Variants in COPG2 observed in about 807,000 individuals in gnomAD.
COPG2 encodes coatomer subunit gamma-2.
A neutral mutation model predicts 46.3 loss-of-function variants in COPG2; 37 were observed. The ratio of observed to expected loss-of-function variants is 0.80; its 90% confidence interval spans 0.61 to 1.05. The LOEUF is 1.05. Ranked by LOEUF, COPG2 falls within the 50% of genes least tolerant of loss-of-function variation. The pLI is 0.00. For missense variants in COPG2, 427 were observed against 387.8 expected (o/e 1.10, Z -0.85); for synonymous variants, 159 against 129.7 (o/e 1.23, Z -1.53).
At position 130,611,070 on chromosome 7, in the gene COPG2, T is replaced by C. The variant is rs1554452007; in HGVS notation, c.620A>G (p.Asp207Gly). ...LGVLYHLRKN[D>G]RLAVSKMLNK... is the part of the protein sequence containing the mutation. The stretch of plus-strand genomic sequence containing the variant: ...CAACATCTTGGAAACAGCAAGTCGA[T>C]CATTCTTTCTAAGGTGATACAGGAC... The change falls in exon 9 of 24, where the codon GAT becomes GGT. Residue 207 changes from aspartate to glycine, a missense_variant. Asp to Gly is a moderately conservative substitution (Grantham distance 94). Transcript: ENST00000425248. 6.2e-7 allele frequency: 1 copy of C among 1,613,838 alleles called. No individual in the cohort carries two copies. Among genetic ancestry groups the C allele is most frequent in the South Asian group, 1.1e-5 (1 of 91,082 alleles).
At chr7:130,525,242 G>T (rs1799762617) in intron 20 of COPG2, among the ~76,000 whole-genome samples, 1 of 152,174 alleles carries the variant, frequency 6.6e-6, no homozygotes, top group Non-Finnish European at 1.5e-5. Context: ...AAGGGGCCAA[G>T]GTGGAAAAGT....
intron 20 of COPG2, among the ~76,000 whole-genome samples, chr7:130,526,773 A>C (rs1036447905): frequency 0.32 from 48,288 of 149,026 alleles, 8,622 homozygotes; most frequent in African/African-American, 0.46. Context: ...CTTTGTTGCA[A>C]AGGTGTGAAT....
In COPG2 at chr7:130,652,868, C is replaced by T; in HGVS notation, c.323+1G>A. 2 of 1,587,228 alleles carry T rather than the reference C, an allele frequency of 1.3e-6. No individual in the cohort carries two copies. Among genetic ancestry groups the T allele is most frequent in the Non-Finnish European group, 1.7e-6 (2 of 1,160,292 alleles). ...ATCCTAGATTTTGACCATTTACATA[C>T]CTGCTTGTGACAATTATCACATCCT... On this transcript the variant is annotated splice_donor_variant, in intron 5 of 23. Coordinates refer to ENST00000425248, the MANE Select transcript of COPG2 (RefSeq NM_012133.6). LOFTEE classifies it high-confidence loss of function.
chr7:130,548,366 T>C (rs1423843120), intron 19 of COPG2, 37 bp downstream of exon 19: 1 of 398,360 alleles, frequency 2.5e-6, no homozygotes, highest in Admixed American at 4.4e-5. Flanking sequence ...TACCAGTTTA[T>C]ACTAAATCTC....
chr7:130,587,740 C>T (rs968622600), intron 9 of COPG2, among the ~76,000 whole-genome samples: 66 of 152,108 alleles, frequency 4.3e-4, no homozygotes, highest in East Asian at 3.9e-4. Context: ...TGGGCAAGGA[C>T]TTCATGTCTA....
chr7:130,606,212 C>G (rs1327474212), intron 9 of COPG2, among the ~76,000 whole-genome samples: 4 of 126,026 alleles, frequency 3.2e-5, no homozygotes, highest in Non-Finnish European at 6.5e-5. Flanking sequence ...GGCAGCAGAG[C>G]AAGACTTTAA....
chr7:130,511,746 T>C (rs1554441040), intron 20 of COPG2: 1 of 517,302 alleles, frequency 1.9e-6, no homozygotes. Flanking sequence ...AGATTTAGAA[T>C]GGGGTATCCT....
At chr7:130,569,454 T>C (rs1386298921) in intron 9 of COPG2, among the ~76,000 whole-genome samples, 8 of 151,958 alleles carry the variant, frequency 5.3e-5, no homozygotes, top group African/African-American at 1.9e-4. Flanking sequence ...CCAGAAAATC[T>C]AGAGGTGATG....
intron 9 of COPG2, chr7:130,602,929 C>A (rs1271242057): frequency 6.6e-6 from 1 of 152,150 alleles, no homozygotes; most frequent in African/African-American, 2.4e-5. Context: ...CCACCTTCTA[C>A]ACCATTATTT....
Position 130,623,557 on chromosome 7 carries a change from T to C in COPG2, c.324-6492A>G, listed in dbSNP as rs557532680. Among the ~76,000 whole-genome samples, 4 of 152,330 alleles carry C rather than the reference T, an allele frequency of 2.6e-5. No individual in the cohort carries two copies. The South Asian group carries it at 8.3e-4, about 32-fold the overall frequency. On this transcript the variant is annotated intron_variant, in intron 5 of 23. Coordinates refer to ENST00000425248, the MANE Select transcript of COPG2 (RefSeq NM_012133.6). ...TTTTCAGTGACTTCCCAGCTATTCT[T>C]ACATTATATTTTCCACGTGAACTTT...
intron 5 of COPG2, among the ~76,000 whole-genome samples, chr7:130,636,185 T>C (rs893748369): frequency 2.0e-5 from 3 of 152,188 alleles, no homozygotes; most frequent in Non-Finnish European, 4.4e-5. Flanking sequence ...TTCCGTTGAT[T>C]TGGGGTGGAG....
chr7:130,524,141 T>C (rs987190833), intron 20 of COPG2, among the ~76,000 whole-genome samples: 1 of 152,078 alleles, frequency 6.6e-6, no homozygotes, highest in Admixed American at 6.5e-5. Context: ...GTCAGGGTTG[T>C]GGGGTGCTGG....
intron 9 of COPG2, among the ~76,000 whole-genome samples, chr7:130,595,789 A>G (rs1028809773): frequency 6.8e-6 from 1 of 147,748 alleles, no homozygotes; most frequent in African/African-American, 2.5e-5. Flanking sequence ...CTGAGGTCCC[A>G]TCGGCATTTG....
chr7:130,630,277 A>G (rs1467477183), intron 5 of COPG2, among the ~76,000 whole-genome samples: 1 of 152,162 alleles, frequency 6.6e-6, no homozygotes, highest in Non-Finnish European at 1.5e-5. Context: ...TATCTTATAC[A>G]TCTTTCATCA....
intron 5 of COPG2, among the ~76,000 whole-genome samples, chr7:130,635,659 TG>T (rs1795322928): frequency 1.3e-5 from 2 of 152,226 alleles, no homozygotes; most frequent in Non-Finnish European, 2.9e-5. Flanking sequence ...AACCAGCTCC[TG>T]GATTCATTGA....
intron 5 of COPG2, among the ~76,000 whole-genome samples, chr7:130,643,985 T>C (rs1461122246): frequency 2.6e-5 from 4 of 151,946 alleles, no homozygotes; most frequent in African/African-American, 9.7e-5. Context: ...ATAAAAGAAA[T>C]GAGCAGCAGT....
chr7:130,508,738 CTG>C (rs1799546152), intron 20 of COPG2, 79 bp from the exon 21 acceptor site: 7 of 679,184 alleles, frequency 1.0e-5, no homozygotes, highest in South Asian at 1.0e-4. Flanking sequence ...GTACTCAGCA[CTG>C]TGTTCCACAT....
At chr7:130,536,725 TG>T (rs1464930758) in intron 20 of COPG2, among the ~76,000 whole-genome samples, 3 of 152,108 alleles carry the variant, frequency 2.0e-5, no homozygotes, top group Non-Finnish European at 2.9e-5. Flanking sequence ...AGGACAAGGA[TG>T]ACAGCGAGCA....
At chr7:130,625,231 CTATT>C (rs1315168271) in intron 5 of COPG2, among the ~76,000 whole-genome samples, 1 of 152,094 alleles carries the variant, frequency 6.6e-6, no homozygotes, top group African/African-American at 2.4e-5. Flanking sequence ...AATAAGAAGA[CTATT>C]GATTATTATA....
Sources: gnomAD v4.1 joint callset for allele counts (sites outside exome capture counted in the v4.1 genomes callset) on GRCh38, gnomAD v4.1.1 for gene constraint, MANE v1.5 for transcripts, NCBI Gene and HGNC (gene_info 2026-07-23, HGNC 2026-07-21) for gene names.